Variants in LEPROTL1 observed in about 807,000 individuals in gnomAD.
LEPROTL1 encodes leptin receptor overlapping transcript like 1.
A neutral mutation model predicts 15.4 loss-of-function variants in LEPROTL1; 6 were observed. The ratio of observed to expected loss-of-function variants is 0.39; its 90% confidence interval spans 0.21 to 0.77. The LOEUF is 0.77. Among genes scored for constraint, LEPROTL1 ranks in the 30% least tolerant of loss-of-function variants. LEPROTL1 has a pLI of 0.41. For missense variants in LEPROTL1, 128 were observed against 158.1 expected (o/e 0.81, Z 1.02); for synonymous variants, 56 against 52.6 (o/e 1.06, Z -0.28).
At chr8:30,129,194 C>G (rs1243905200) in intron 3 of LEPROTL1, among the ~76,000 whole-genome samples, 1 of 152,154 alleles carries the variant, frequency 6.6e-6, no homozygotes, top group Non-Finnish European at 1.5e-5. Flanking sequence ...AGCCACTGCA[C>G]CCCACCAAGG....
intron 4 of LEPROTL1, among the ~76,000 whole-genome samples, chr8:30,134,466 C>G (rs989837509): frequency 1.3e-5 from 2 of 152,038 alleles, no homozygotes; most frequent in African/African-American, 2.4e-5. Flanking sequence ...CTTTGTCTTC[C>G]TTTACCTACC....
chr8:30,101,950 T>A lies in LEPROTL1; in HGVS notation c.69T>A (p.Leu23=), dbSNP rs1194338757. The A allele has an allele frequency of 5.0e-6, 8 of 1,608,518 alleles. No homozygotes were observed. Among genetic ancestry groups the A allele is most frequent in the Admixed American group, 3.3e-5 (2 of 59,790 alleles). The change falls in exon 2 of 4, where the codon CTT becomes CTA. Residue 23 remains leucine, a synonymous_variant. Coordinates refer to ENST00000321250, the MANE Select transcript of LEPROTL1 (RefSeq NM_015344.3). Reference sequence around the variant, plus strand: ...CAATCGGACTGATGTTTTTGATGCTTGGATGTGCCCTTCCAATATACAAGT... The same window carrying A: ...CAATCGGACTGATGTTTTTGATGCTAGGATGTGCCCTTCCAATATACAAGT... ...GGAIGLMFLM[L]GCALPIYNKY...
intron 1 of LEPROTL1, among the ~76,000 whole-genome samples, chr8:30,097,683 A>AT (rs1802391074): frequency 3.1e-5 from 4 of 128,164 alleles, no homozygotes; most frequent in Non-Finnish European, 3.2e-5. Context: ...AAAAAAAAAA[A>AT]AATATATATA....
chr8:30,106,594 T>C lies in LEPROTL1; in HGVS notation c.*732T>C, dbSNP rs1004026994. Reference sequence around the variant, plus strand: ...TTAAGGTAAGGGTGTAAAAACATTTTTGAGATAAGGTTTTTATTTATGTTT... The same window carrying C: ...TTAAGGTAAGGGTGTAAAAACATTTCTGAGATAAGGTTTTTATTTATGTTT... On this transcript the variant is annotated 3_prime_UTR_variant, in exon 4 of 4. Coordinates refer to ENST00000321250, the MANE Select transcript of LEPROTL1 (RefSeq NM_015344.3). 1.0e-6 allele frequency: 1 copy of C among 984,072 alleles called. No homozygotes were observed. The highest frequency in any genetic ancestry group is 1.2e-6 in the Non-Finnish European group (1 of 828,444). The allele number at this position is 984,072 out of a possible 1,614,324, so 61.0% of individuals were successfully genotyped here. A position where few individuals can be genotyped will look rare whatever the true frequency, so the allele number is the denominator to read the frequency against.
In LEPROTL1 at chr8:30,102,379, G is replaced by A. The variant is rs551105931; in HGVS notation, c.92+406G>A. On this transcript the variant is annotated intron_variant, in intron 2 of 3. Transcript: ENST00000321250. ...AAACAATTACTTTCCGGCCGGGTGC[G>A]GTGGCTCACACCTGTAATCCCAGCA... Among the ~76,000 whole-genome samples, 9 of 152,014 alleles carry A rather than the reference G, an allele frequency of 5.9e-5. No homozygotes were observed. The South Asian group carries it at 1.2e-3, about 21-fold the overall frequency.
chr8:30,100,009 A>G (rs1279112949), intron 1 of LEPROTL1, among the ~76,000 whole-genome samples: 2 of 152,234 alleles, frequency 1.3e-5, no homozygotes, highest in Non-Finnish European at 2.9e-5. Flanking sequence ...TTTTCCTTAC[A>G]GTTTATATTG....
At chr8:30,126,260 C>G (rs1225929811) in intron 3 of LEPROTL1, among the ~76,000 whole-genome samples, 2 of 152,120 alleles carry the variant, frequency 1.3e-5, no homozygotes, top group Non-Finnish European at 2.9e-5. Context: ...CTAGACCATC[C>G]AGCTTTGTGT....
At chr8:30,119,370 C>G (rs1052229208) in intron 3 of LEPROTL1, among the ~76,000 whole-genome samples, 4 of 152,210 alleles carry the variant, frequency 2.6e-5, no homozygotes, top group Non-Finnish European at 4.4e-5. Flanking sequence ...AGTCTGATCT[C>G]TCTTTCTTTT....
intron 2 of LEPROTL1, among the ~76,000 whole-genome samples, chr8:30,104,024 G>C (rs1802515071): frequency 6.6e-6 from 1 of 152,168 alleles, no homozygotes; most frequent in Non-Finnish European, 1.5e-5. Flanking sequence ...CAGTTAACTA[G>C]ATGTAGAGTA....
chr8:30,137,323 A>G (rs1803169807), exon 5 of LEPROTL1: 2 of 1,551,620 alleles, frequency 1.3e-6, no homozygotes, highest in African/African-American at 1.4e-5. Context: ...GTCTGAAGGA[A>G]GAGAAACACT....
intron 4 of LEPROTL1, among the ~76,000 whole-genome samples, chr8:30,136,470 C>G (rs1274228210): frequency 6.6e-6 from 1 of 152,182 alleles, no homozygotes; most frequent in East Asian, 1.9e-4. Flanking sequence ...TTGAGCCACC[C>G]AGTCTGTGGC....
At chr8:30,104,563 A>C (rs1802528656) in intron 3 of LEPROTL1, 77 bp downstream of exon 3, 4 of 969,778 alleles carry the variant, frequency 4.1e-6, no homozygotes, top group Non-Finnish European at 5.9e-6. Flanking sequence ...GTTTTTGTTA[A>C]TGACATGAAA....
In LEPROTL1 at chr8:30,105,984, C is replaced by A; in HGVS notation, c.*122C>A. ...AAGCCTCTTGGGGGTATTTTAGGTG[C>A]TCCCTTCTCACTTTTATTGTAAGCA... On this transcript the variant is annotated 3_prime_UTR_variant, in exon 4 of 4. Transcript: ENST00000321250. 7.7e-7 allele frequency: 1 copy of A among 1,291,944 alleles called. No homozygotes were observed. The highest frequency in any genetic ancestry group is 9.9e-7 in the Non-Finnish European group (1 of 1,008,732). 80.0% of individuals were successfully genotyped at this position (1,291,944 alleles called of 1,614,324 possible).
chr8:30,119,471 G>C lies in LEPROTL1; in HGVS notation c.280-12904G>C, dbSNP rs149697734. ...AGGATTATAGGCGTGAGCTGCCACT[G>C]CACCGTATCTAGTTTTTTTATATAA... On this transcript the variant is annotated intron_variant, in intron 3 of 4. Transcript: ENST00000442880. Among the ~76,000 whole-genome samples the C allele has an allele frequency of 2.1e-3, 326 of 152,258 alleles. 3 individuals are homozygous for C. Among genetic ancestry groups the C allele is most frequent in the African/African-American group, 7.3e-3 (303 of 41,540 alleles).
chr8:30,110,422 T>C (rs1802637219), downstream of LEPROTL1, among the ~76,000 whole-genome samples: 2 of 152,018 alleles, frequency 1.3e-5, no homozygotes, highest in South Asian at 2.1e-4. Context: ...AGGAATTTTT[T>C]TTTACTTCAA....
At chr8:30,112,495 G>A (rs1171766575), downstream of LEPROTL1, among the ~76,000 whole-genome samples, 1 of 139,400 alleles carries the variant, frequency 7.2e-6, no homozygotes, top group Non-Finnish European at 1.5e-5. Context: ...CCTGACCTCA[G>A]GTGATCTACC....
chr8:30,103,402 A>AT (rs1802503647), intron 2 of LEPROTL1, among the ~76,000 whole-genome samples: 1 of 152,076 alleles, frequency 6.6e-6, no homozygotes, highest in Admixed American at 6.6e-5. Flanking sequence ...TGTTTGAATT[A>AT]TTTTTCTTAA....
At position 30,095,460 on chromosome 8, in the gene LEPROTL1, C is replaced by T. The variant is rs1802343234; in HGVS notation, c.-53C>T. On this transcript the variant is annotated 5_prime_UTR_variant, in exon 1 of 4. Transcript: ENST00000321250. ...TAGCGCGTCTTGGGTCTCCCGGCTG[C>T]CGCTGCTGCCGCCGCCGCCTCGGGT... The T allele has an allele frequency of 6.8e-7, 1 of 1,463,032 alleles. No individual in the cohort carries two copies. Among genetic ancestry groups the T allele is most frequent in the Non-Finnish European group, 9.0e-7 (1 of 1,111,518 alleles). 90.6% of individuals were successfully genotyped at this position (1,463,032 alleles called of 1,614,324 possible). A position where few individuals can be genotyped will look rare whatever the true frequency, so the allele number is the denominator to read the frequency against.
intron 3 of LEPROTL1, among the ~76,000 whole-genome samples, chr8:30,116,148 G>C (rs1438635579): frequency 1.3e-5 from 2 of 152,064 alleles, no homozygotes; most frequent in African/African-American, 4.8e-5. Flanking sequence ...AGCTGAGGTG[G>C]CAGAATCACC....
Sources: gnomAD v4.1 joint callset for allele counts (sites outside exome capture counted in the v4.1 genomes callset) on GRCh38, gnomAD v4.1.1 for gene constraint, MANE v1.5 for transcripts, NCBI Gene and HGNC (gene_info 2026-07-23, HGNC 2026-07-21) for gene names.